The following DPP10 variants were observed in gnomAD, a reference collection of about 807,000 sequenced individuals.
DPP10 encodes inactive dipeptidyl peptidase 10.
A neutral mutation model predicts 120.9 loss-of-function variants in DPP10; 33 were observed. The observed-to-expected ratio is 0.27, with a 90% confidence interval of 0.21 to 0.37. The LOEUF (loss-of-function observed/expected upper bound fraction) is 0.37. DPP10 is among the 10% of genes least tolerant of loss of function. The probability of loss-of-function intolerance (pLI) is 1.00; values close to 1 mark genes in which losing one functional copy is unlikely to be tolerated. For missense variants in DPP10, 816 were observed against 942.8 expected (o/e 0.87, Z 1.76); for synonymous variants, 337 against 326.1 (o/e 1.03, Z -0.36).
intron 5 of DPP10, among the ~76,000 whole-genome samples, chr2:115,637,079 A>G (rs1316910392): frequency 6.6e-6 from 1 of 152,228 alleles, no homozygotes; most frequent in African/African-American, 2.4e-5. Context: ...ATCTGGGATA[A>G]GCCAAAAACA....
At chr2:114,812,956 G>A (rs935808594) in intron 1 of DPP10, among the ~76,000 whole-genome samples, 2 of 152,126 alleles carry the variant, frequency 1.3e-5, no homozygotes, top group East Asian at 1.9e-4. Flanking sequence ...TTTAAGATGC[G>A]ATGGTTTCCC....
intron 5 of DPP10, among the ~76,000 whole-genome samples, chr2:115,575,795 A>T (rs1035769895): frequency 6.6e-6 from 1 of 152,106 alleles, no homozygotes; most frequent in African/African-American, 2.4e-5. Context: ...AATCATATGG[A>T]CCCTTAAAGG....
At chr2:114,467,716 C>G (rs1169958080) in intron 1 of DPP10, among the ~76,000 whole-genome samples, 1 of 152,126 alleles carries the variant, frequency 6.6e-6, no homozygotes, top group Non-Finnish European at 1.5e-5. Context: ...ATACTAGCTC[C>G]TGGCCAGGCA....
intron 1 of DPP10, among the ~76,000 whole-genome samples, chr2:114,910,050 C>T (rs1237467618): frequency 6.6e-6 from 1 of 151,228 alleles, no homozygotes. Flanking sequence ...TTATATATAG[C>T]TGTAGATAGA....
intron 1 of DPP10, among the ~76,000 whole-genome samples, chr2:114,482,364 A>G (rs1382994496): frequency 2.0e-5 from 3 of 152,178 alleles, no homozygotes; most frequent in Admixed American, 6.6e-5. Flanking sequence ...CATCATAAAG[A>G]TAGAATGTTT....
At chr2:115,074,433 C>T (rs1222727238) in intron 1 of DPP10, among the ~76,000 whole-genome samples, 1 of 152,164 alleles carries the variant, frequency 6.6e-6, no homozygotes, top group Non-Finnish European at 1.5e-5. Flanking sequence ...AAAAAACATT[C>T]ATAGCCACAC....
At chr2:115,414,272 G>A (rs113572045) in intron 3 of DPP10, among the ~76,000 whole-genome samples, 4 of 152,148 alleles carry the variant, frequency 2.6e-5, no homozygotes, top group African/African-American at 9.6e-5. Flanking sequence ...CAAGTAGAGC[G>A]ACTTGCCAAG....
intron 1 of DPP10, among the ~76,000 whole-genome samples, chr2:114,701,148 A>G (rs1167242271): frequency 6.6e-6 from 1 of 152,144 alleles, no homozygotes; most frequent in Non-Finnish European, 1.5e-5. Flanking sequence ...GGGGATTCAC[A>G]CATCATGGCC....
intron 2 of DPP10, among the ~76,000 whole-genome samples, chr2:115,324,094 G>A (rs929527243): frequency 2.0e-5 from 3 of 152,046 alleles, no homozygotes; most frequent in African/African-American, 7.2e-5. Flanking sequence ...TGGCTAACAC[G>A]ATGAGAATCC....
intron 1 of DPP10, among the ~76,000 whole-genome samples, chr2:114,863,928 G>A (rs1039416066): frequency 6.6e-6 from 1 of 152,146 alleles, no homozygotes; most frequent in Non-Finnish European, 1.5e-5. Flanking sequence ...CCTGTGTCAT[G>A]CAACTGGCTG....
intron 5 of DPP10, among the ~76,000 whole-genome samples, chr2:115,680,612 C>T (rs543197049): frequency 6.6e-6 from 1 of 151,850 alleles, no homozygotes; most frequent in Non-Finnish European, 1.5e-5. Flanking sequence ...TTTAAAAGTA[C>T]TAGAAGAAAA....
intron 1 of DPP10, among the ~76,000 whole-genome samples, chr2:114,925,446 A>G (rs1320862179): frequency 6.6e-6 from 1 of 152,106 alleles, no homozygotes; most frequent in East Asian, 1.9e-4. Flanking sequence ...TATCGAGATG[A>G]CTGACATTTT....
intron 1 of DPP10, among the ~76,000 whole-genome samples, chr2:114,446,479 A>G (rs1677952054): frequency 2.0e-5 from 3 of 152,114 alleles, no homozygotes. Context: ...TACAGTACAC[A>G]ATATTTCTTT....
chr2:114,497,416 T>TCTATATAG (rs1558814781), intron 1 of DPP10, among the ~76,000 whole-genome samples: 1 of 88,110 alleles, frequency 1.1e-5, no homozygotes, highest in African/African-American at 3.3e-5. Context: ...TACACATACA[T>TCTATATAG]ATGCATCTAT....
chr2:114,451,924 T>A (rs1186052160), intron 1 of DPP10, among the ~76,000 whole-genome samples: 2 of 152,174 alleles, frequency 1.3e-5, no homozygotes, highest in East Asian at 1.9e-4. Context: ...TTACAGAAGG[T>A]AAATCTTAAC....
chr2:114,768,706 A>C (rs1476058894), intron 1 of DPP10, among the ~76,000 whole-genome samples: 1 of 152,150 alleles, frequency 6.6e-6, no homozygotes, highest in Non-Finnish European at 1.5e-5. Flanking sequence ...TCTGCCTACC[A>C]CAGGGCCACC....
chr2:114,603,754 A>G (rs1175049533), intron 1 of DPP10, among the ~76,000 whole-genome samples: 1 of 151,984 alleles, frequency 6.6e-6, no homozygotes, highest in African/African-American at 2.4e-5. Flanking sequence ...GCTTTGTGTA[A>G]AAACAGCACC....
intron 3 of DPP10, among the ~76,000 whole-genome samples, chr2:115,471,205 A>G (rs2074693524): frequency 6.6e-6 from 1 of 152,206 alleles, no homozygotes; most frequent in African/African-American, 2.4e-5. Context: ...GGTTCAATTC[A>G]TAGAAAAGGA....
chr2:115,547,059 AT>A (rs551117582), intron 5 of DPP10, among the ~76,000 whole-genome samples: 223 of 152,144 alleles, frequency 1.5e-3, no homozygotes, highest in African/African-American at 4.7e-3. Context: ...TCCTTGACTT[AT>A]TTTTAGTTGT....
Sources: gnomAD v4.1 joint callset for allele counts (sites outside exome capture counted in the v4.1 genomes callset) on GRCh38, gnomAD v4.1.1 for gene constraint, MANE v1.5 for transcripts, NCBI Gene and HGNC (gene_info 2026-07-23, HGNC 2026-07-21) for gene names.